MROH9: variants seen among roughly 807,000 people sequenced by gnomAD.
MROH9 encodes maestro heat like repeat family member 9.
Under a neutral mutation model 98.2 loss-of-function variants are expected in MROH9, and 92 were observed. The ratio of observed to expected loss-of-function variants is 0.94; its 90% CI spans 0.79 to 1.11. The LOEUF is 1.11. Ranked by LOEUF, MROH9 falls within the 50% of genes most tolerant of loss-of-function variation. The pLI, the probability that MROH9 is intolerant of heterozygous loss-of-function variation, is 0.00. For missense variants in MROH9, 1,057 were observed against 1,014.8 expected, an observed-to-expected ratio of 1.04 and a Z score of -0.57; for synonymous variants, 397 against 368.9, an observed-to-expected ratio of 1.08 and a Z score of -0.87.
chr1:170,992,119 T>C, intron 11 of MROH9, 45 bp from the exon 12 acceptor site: 1 of 1,538,120 alleles, frequency 6.5e-7, no homozygotes, highest in Non-Finnish European at 8.7e-7. Context: ...AAGTAGGACA[T>C]GACAAACATG....
In MROH9 at chr1:171,058,773, G is replaced by C. The variant is rs540273580; in HGVS notation, c.2282-3359G>C. 4.6e-5 allele frequency among the ~76,000 whole-genome samples: 7 copies of C among 152,320 alleles called. No homozygotes were observed. In the South Asian group the frequency reaches 1.4e-3, roughly 32 times the overall value. On this transcript the variant is annotated intron_variant, in intron 20 of 21. Coordinates refer to ENST00000367759, the MANE Select transcript of MROH9 (RefSeq NM_001163629.2). ...GATTTCCTATTTAATAAATGGTGCT[G>C]GGAAAACTGGCTAGCCATATGCAGA...
chr1:170,948,582 C>A (rs1418470205), intron 3 of MROH9, among the ~76,000 whole-genome samples: 1 of 152,062 alleles, frequency 6.6e-6, no homozygotes, highest in Admixed American at 6.6e-5. Flanking sequence ...AAATATTATG[C>A]TATCTTTTTG....
intron 21 of MROH9, among the ~76,000 whole-genome samples, chr1:171,063,043 C>T (rs1270094887): frequency 6.6e-6 from 1 of 152,104 alleles, no homozygotes; most frequent in Admixed American, 6.6e-5. Context: ...TATTTGACTA[C>T]CTGCTAAATG....
chr1:171,045,922 C>T (rs780204483), intron 20 of MROH9, among the ~76,000 whole-genome samples: 5 of 152,028 alleles, frequency 3.3e-5, no homozygotes, highest in Non-Finnish European at 5.9e-5. Flanking sequence ...TATATTGAAG[C>T]CCATCTCTCT....
chr1:170,998,089 C>A, intron 14 of MROH9, 65 bp from the exon 15 acceptor site: 1 of 1,204,940 alleles, frequency 8.3e-7, no homozygotes, highest in Non-Finnish European at 1.2e-6. Context: ...TAATGATTCT[C>A]TCTTTGCCAC....
intron 20 of MROH9, among the ~76,000 whole-genome samples, chr1:171,029,647 A>G (rs1310606512): frequency 2.0e-5 from 3 of 152,080 alleles, no homozygotes; most frequent in Non-Finnish European, 4.4e-5. Flanking sequence ...ATGACGCTGA[A>G]CCGATCGTGG....
intron 20 of MROH9, among the ~76,000 whole-genome samples, chr1:171,030,192 A>G (rs878933156): frequency 6.6e-6 from 1 of 151,500 alleles, no homozygotes; most frequent in African/African-American, 2.4e-5. Context: ...TTTTTTCTAC[A>G]TTAGTTTAGC....
chr1:171,042,853 A>G (rs533160670), intron 20 of MROH9, among the ~76,000 whole-genome samples: 42 of 152,190 alleles, frequency 2.8e-4, no homozygotes, highest in South Asian at 2.3e-3. Context: ...TTTCCTATAG[A>G]GTTGTTTGAA....
intron 20 of MROH9, among the ~76,000 whole-genome samples, chr1:171,053,668 C>A (rs757938637): frequency 1.3e-5 from 2 of 151,874 alleles, no homozygotes; most frequent in Non-Finnish European, 2.9e-5. Context: ...ATTAGATATA[C>A]CTTTAAAATA....
intron 3 of MROH9, among the ~76,000 whole-genome samples, chr1:170,956,495 C>T (rs181699935): frequency 2.0e-5 from 3 of 151,242 alleles, no homozygotes; most frequent in Non-Finnish European, 2.9e-5. Flanking sequence ...TTTATTTCAG[C>T]AGTGTTTTGC....
chr1:171,041,559 T>C (rs538017089), intron 20 of MROH9, among the ~76,000 whole-genome samples: 15 of 151,678 alleles, frequency 9.9e-5, no homozygotes. Flanking sequence ...TTTGATACAA[T>C]TATTTGTTTT....
rs1418234563 is a variant in MROH9 at position 170,987,521 on chromosome 1, TTTTA to T, written c.879+815_879+818del. ...TCTCTCTCTCAATTCTTCATGCTGGTTTTATTTGCTATTTAACGTCTTTCTAAGC... is the reference window on the plus strand; with the variant it reads ...TCTCTCTCTCAATTCTTCATGCTGGTTTTGCTATTTAACGTCTTTCTAAGC... On this transcript the variant is annotated intron_variant, in intron 10 of 21. Transcript: ENST00000367759. Among the ~76,000 whole-genome samples, 8 of 152,326 alleles carry T rather than the reference TTTTA, an allele frequency of 5.3e-5. No individual in the cohort carries two copies. In the South Asian group the frequency reaches 1.7e-3, roughly 32 times the overall value.
chr1:170,993,363 A>C (rs1371138380), intron 12 of MROH9, among the ~76,000 whole-genome samples: 1 of 152,192 alleles, frequency 6.6e-6, no homozygotes, highest in Non-Finnish European at 1.5e-5. Context: ...CTTCCAGCTG[A>C]TGAAATTCCA....
intron 15 of MROH9, among the ~76,000 whole-genome samples, chr1:171,012,648 G>A (rs1248220570): frequency 6.6e-6 from 1 of 151,758 alleles, no homozygotes; most frequent in Non-Finnish European, 1.5e-5. Flanking sequence ...GACTACAGGT[G>A]CCTGCCACCA....
chr1:170,996,444 T>C, intron 13 of MROH9, 63 bp from the exon 14 acceptor site: 1 of 1,572,540 alleles, frequency 6.4e-7, no homozygotes, highest in Non-Finnish European at 8.7e-7. Context: ...AGGCAGGTAA[T>C]GTGTATTTAG....
intron 20 of MROH9, among the ~76,000 whole-genome samples, chr1:171,034,766 T>C (rs75601987): frequency 0.031 from 4,771 of 152,144 alleles, 243 homozygotes; most frequent in African/African-American, 0.11. Context: ...GGAAAAAAAA[T>C]TGGGGCTACT....
Position 170,998,651 on chromosome 1 carries a change from G to A in MROH9, c.1596+377G>A, listed in dbSNP as rs186066218. 8 of 1,148,054 alleles carry A rather than the reference G, an allele frequency of 7.0e-6. No individual in the cohort carries two copies. The East Asian group carries it at 4.0e-4, about 58-fold the overall frequency. 71.1% of individuals were successfully genotyped at this position (1,148,054 alleles called of 1,614,324 possible). ...TAGGCAGTACTTCTGACCATCTAGA[G>A]GGAGAAAGGAACTGGCTGAGTAACT... On this transcript the variant is annotated intron_variant, in intron 15 of 21. Transcript: ENST00000367759.
At chr1:170,954,147 G>T (rs1649673521) in intron 3 of MROH9, among the ~76,000 whole-genome samples, 1 of 152,008 alleles carries the variant, frequency 6.6e-6, no homozygotes, top group African/African-American at 2.4e-5. Context: ...AATGTCTCTA[G>T]GTATTTTTTA....
At chr1:170,981,304 T>C (rs575172887) in intron 8 of MROH9, among the ~76,000 whole-genome samples, 5 of 152,266 alleles carry the variant, frequency 3.3e-5, no homozygotes, top group African/African-American at 1.2e-4. Flanking sequence ...TAAAGACATA[T>C]GCATACATAT....
Sources: gnomAD v4.1 joint callset for allele counts (sites outside exome capture counted in the v4.1 genomes callset) on GRCh38, gnomAD v4.1.1 for gene constraint, MANE v1.5 for transcripts, NCBI Gene and HGNC (gene_info 2026-07-23, HGNC 2026-07-21) for gene names.